Variants in NXPE4 observed in about 807,000 individuals in gnomAD.
NXPE4 encodes neurexophilin and PC-esterase domain family member 4.
Under a neutral mutation model 33.3 loss-of-function variants are expected in NXPE4, and 42 were observed. The observed-to-expected ratio is 1.26, with a 90% CI of 0.98 to 1.63. The LOEUF (loss-of-function observed/expected upper bound fraction) is 1.63, where lower values mean the gene tolerates loss of function less well. Among genes scored for constraint, NXPE4 ranks in the 40% most tolerant of loss-of-function variants. The pLI is 0.00. For synonymous variants in NXPE4, 253 were observed against 234.9 expected (o/e 1.08, Z -0.71); for missense variants, 709 against 647.6 (o/e 1.09, Z -1.03).
At chr11:114,639,490 GTC>G in the NXPE4 span, among the ~76,000 whole-genome samples, 1 of 151,530 alleles carries the variant, frequency 6.6e-6, no homozygotes, top group Admixed American at 6.6e-5. Context: ...TGTGCCCACT[GTC>G]TGGCACTCCC....
the NXPE4 span, among the ~76,000 whole-genome samples, chr11:114,634,286 C>A: frequency 2.6e-5 from 4 of 152,080 alleles, no homozygotes; most frequent in African/African-American, 9.6e-5. Context: ...TGTTCATGTC[C>A]TTTGCCCACT....
At chr11:114,629,654 T>C in the NXPE4 span, among the ~76,000 whole-genome samples, 267 of 151,794 alleles carry the variant, frequency 1.8e-3, 1 homozygote, top group African/African-American at 5.7e-3. Flanking sequence ...CATCAGAGTG[T>C]TGGAAGTTCT....
the NXPE4 span, among the ~76,000 whole-genome samples, chr11:114,612,371 T>C: frequency 6.6e-6 from 1 of 151,934 alleles, no homozygotes; most frequent in Non-Finnish European, 1.5e-5. Flanking sequence ...AGTTACCCGA[T>C]GGACAATAAG....
the NXPE4 span, among the ~76,000 whole-genome samples, chr11:114,617,776 T>C: frequency 6.6e-6 from 1 of 152,136 alleles, no homozygotes; most frequent in African/African-American, 2.4e-5. Flanking sequence ...TAATAAGTGT[T>C]GCCTTGTGGG....
chr11:114,582,545 G>T lies in NXPE4; in HGVS notation c.573C>A (p.Leu191=), dbSNP rs377136099. 1.0e-4 allele frequency: 162 copies of T among 1,614,186 alleles called. 3 individuals are homozygous for T. The highest frequency in any genetic ancestry group is 8.9e-4 in the East Asian group (40 of 44,882). ...LIHPSEGVSA[L]WSARNQGYDR... is the part of the protein sequence containing the mutation. ...CATAGCCTTGGTTCCTTGCACTCCA[G>T]AGAGCTGACACCCCTTCACTGGGGT... Residue 191 remains leucine (L), a synonymous_variant, in exon 3 of 6, where the codon CTC becomes CTA. Coordinates refer to ENST00000375478, the MANE Select transcript of NXPE4 (RefSeq NM_001077639.2).
At chr11:114,620,581 G>A in the NXPE4 span, among the ~76,000 whole-genome samples, 786 of 152,006 alleles carry the variant, frequency 5.2e-3, 3 homozygotes, top group African/African-American at 0.016. Context: ...TGGATAATAA[G>A]TGTTGCCTCT....
rs1467559498 is a variant in NXPE4 at position 114,582,458 on chromosome 11, GC to G, written c.659del (p.Gly220AlafsTer2). ...NGTSQVHSEC[G>X]LILNTNAELC... ...ATTCAGCATTTGTGTTTAGGATCAGGCCACATTCAGAGTGGACTTGGGAAGT... is the reference window on the plus strand; with the variant it reads ...ATTCAGCATTTGTGTTTAGGATCAGGCACATTCAGAGTGGACTTGGGAAGT... On this transcript the variant is annotated frameshift_variant, in exon 3 of 6. Coordinates refer to ENST00000375478, the MANE Select transcript of NXPE4 (RefSeq NM_001077639.2). LOFTEE classifies it high-confidence loss of function. 1 of 1,614,166 alleles carries G rather than the reference GC, an allele frequency of 6.2e-7. No individual in the cohort carries two copies. The highest frequency in any genetic ancestry group is 8.5e-7 in the Non-Finnish European group (1 of 1,180,004).
chr11:114,617,520 G>C, the NXPE4 span, among the ~76,000 whole-genome samples: 3 of 152,046 alleles, frequency 2.0e-5, no homozygotes, highest in African/African-American at 7.2e-5. Flanking sequence ...TGGATAATAC[G>C]TGTTGCCTCG....
Position 114,582,873 on chromosome 11 carries a change from T to C in NXPE4, c.245A>G (p.Gln82Arg). 6.2e-7 allele frequency: 1 copy of C among 1,614,212 alleles called. No homozygotes were observed. The highest frequency in any genetic ancestry group is 8.5e-7 in the Non-Finnish European group (1 of 1,180,014). The change falls in exon 3 of 6, where the codon CAG becomes CGG. Residue 82 changes from glutamine to arginine, a missense_variant. Physicochemically the swap from Gln to Arg is conservative, Grantham distance 43 (BLOSUM62 1). Transcript: ENST00000375478. ...GTGGGTGAAAGGTCTGGGTGGGATC[T>C]GCTGATCTAGTTTCTCTATGATTTC... ...IKEIIEKLDQ[Q>R]IPPRPFTHVN... is the part of the protein sequence containing the mutation.
intron 4 of NXPE4, 53 bp from the exon 5 acceptor site, chr11:114,580,391 G>A (rs909911413): frequency 1.3e-6 from 2 of 1,515,620 alleles, no homozygotes; most frequent in Admixed American, 1.7e-5. Flanking sequence ...TTACCCGTCA[G>A]TATGTATTAA....
chr11:114,620,886 C>G, the NXPE4 span, among the ~76,000 whole-genome samples: 1 of 152,124 alleles, frequency 6.6e-6, no homozygotes, highest in African/African-American at 2.4e-5. Flanking sequence ...AGTATTGCCT[C>G]ACGGGTAACC....
At chr11:114,671,073 A>T in the NXPE4 span, among the ~76,000 whole-genome samples, 71 of 146,772 alleles carry the variant, frequency 4.8e-4, no homozygotes, top group Middle Eastern at 3.6e-3. Context: ...ATACATAAAT[A>T]TAAATATATA....
intron 2 of NXPE4, 154 bp from the exon 3 acceptor site, chr11:114,583,175 T>G: frequency 1.2e-6 from 1 of 858,036 alleles, no homozygotes; most frequent in South Asian, 1.8e-5. Context: ...ATTATCAATA[T>G]TATTTAAATT....
the NXPE4 span, among the ~76,000 whole-genome samples, chr11:114,656,212 C>G: frequency 1.3e-5 from 2 of 151,840 alleles, no homozygotes; most frequent in Middle Eastern, 3.5e-3. Context: ...CCTAGGAATA[C>G]AGTTAACAAG....
chr11:114,638,393 C>T, the NXPE4 span, among the ~76,000 whole-genome samples: 4 of 152,030 alleles, frequency 2.6e-5, no homozygotes, highest in African/African-American at 9.6e-5. Flanking sequence ...TTTTTAACTT[C>T]TTTGCCTTCG....
the NXPE4 span, among the ~76,000 whole-genome samples, chr11:114,609,460 T>C: frequency 1.3e-5 from 2 of 151,848 alleles, no homozygotes; most frequent in African/African-American, 2.4e-5. Flanking sequence ...TGTTACCCAA[T>C]GGATAATAAG....
chr11:114,632,251 T>C, the NXPE4 span, among the ~76,000 whole-genome samples: 2 of 139,834 alleles, frequency 1.4e-5, no homozygotes, highest in Non-Finnish European at 3.1e-5. Context: ...TATATGTGTA[T>C]ATATGTATAA....
At chr11:114,672,733 A>T in the NXPE4 span, among the ~76,000 whole-genome samples, 1 of 151,974 alleles carries the variant, frequency 6.6e-6, no homozygotes, top group Non-Finnish European at 1.5e-5. Context: ...TTCTAATGTT[A>T]AAAGTGTCAA....
chr11:114,607,159 A>G, the NXPE4 span, among the ~76,000 whole-genome samples: 4 of 150,366 alleles, frequency 2.7e-5, no homozygotes, highest in African/African-American at 9.8e-5. Context: ...AGTATTACCC[A>G]CTGGATAATC....
Sources: allele counts gnomAD v4.1 joint callset (sites outside exome capture counted in the v4.1 genomes callset), GRCh38; gene constraint gnomAD v4.1.1; transcripts MANE v1.5; gene names NCBI Gene and HGNC (gene_info 2026-07-23, HGNC 2026-07-21).